The following SATB2 variants were observed in gnomAD, a reference collection of about 807,000 sequenced individuals.
SATB2 encodes SATB homeobox 2, also known as DNA-binding protein SATB2.
In SATB2, 1 loss-of-function variant was observed where a neutral mutation model predicts 73.4. The ratio of observed to expected loss-of-function variants is 0.01; its 90% confidence interval spans 0.00 to 0.06. The LOEUF (loss-of-function observed/expected upper bound fraction) is 0.06, where lower values mean the gene tolerates loss of function less well. Among genes scored for constraint, SATB2 ranks in the 10% least tolerant of loss-of-function variants. The probability of loss-of-function intolerance (pLI) is 1.00; values close to 1 mark genes in which losing one functional copy is unlikely to be tolerated. For missense variants in SATB2, 459 were observed against 945.8 expected (o/e 0.49, Z 6.75); for synonymous variants, 397 against 367.0 (o/e 1.08, Z -0.93).
intron 2 of SATB2, among the ~76,000 whole-genome samples, chr2:199,447,988 A>G (rs373363185): frequency 2.0e-5 from 3 of 152,176 alleles, no homozygotes; most frequent in African/African-American, 7.2e-5. Context: ...AAATGGGTCC[A>G]AAACAACATA....
At chr2:199,388,549 A>G (rs1324288849) in intron 3 of SATB2, among the ~76,000 whole-genome samples, 5 of 152,194 alleles carry the variant, frequency 3.3e-5, no homozygotes, top group Admixed American at 3.3e-4. Context: ...AATCTGTGAA[A>G]CAGATATAAG....
At chr2:199,329,043 C>A in intron 7 of SATB2, 133 bp from the exon 8 acceptor site, 1 of 722,810 alleles carries the variant, frequency 1.4e-6, no homozygotes, top group Non-Finnish European at 2.5e-6. Flanking sequence ...CACACTAATT[C>A]CTTAGGGTTC....
chr2:199,335,613 A>G (rs1375149282), intron 7 of SATB2, among the ~76,000 whole-genome samples: 1 of 152,222 alleles, frequency 6.6e-6, no homozygotes, highest in Non-Finnish European at 1.5e-5. Context: ...GGTTCTAAGA[A>G]GGCAACAAAT....
At chr2:199,299,635 G>GTT (rs71397718) in intron 10 of SATB2, among the ~76,000 whole-genome samples, 18 of 151,578 alleles carry the variant, frequency 1.2e-4, no homozygotes, top group South Asian at 2.1e-4. Context: ...GTGAAATTTT[G>GTT]TTTTTTTTCA....
intron 9 of SATB2, among the ~76,000 whole-genome samples, chr2:199,315,357 G>A (rs1200732019): frequency 6.6e-6 from 1 of 151,826 alleles, no homozygotes; most frequent in Non-Finnish European, 1.5e-5. Flanking sequence ...CATACCAAAG[G>A]CTGAGAATGT....
exon 1 of SATB2, chr2:199,465,085 T>C (rs1692567703): frequency 6.6e-6 from 1 of 152,242 alleles, no homozygotes; most frequent in Non-Finnish European, 1.5e-5. Context: ...AGTTCGACTT[T>C]CTCAGTCTCT....
chr2:199,458,964 C>T (rs969559526), upstream of SATB2, among the ~76,000 whole-genome samples: 42 of 152,136 alleles, frequency 2.8e-4, no homozygotes, highest in African/African-American at 9.6e-4. Context: ...AGGAGCACGG[C>T]CACTGCCCGC....
intron 9 of SATB2, among the ~76,000 whole-genome samples, chr2:199,315,113 C>T (rs1687694704): frequency 6.6e-6 from 1 of 151,922 alleles, no homozygotes; most frequent in East Asian, 1.9e-4. Flanking sequence ...CATAAAGAAC[C>T]ACACTACATC....
intron 10 of SATB2, among the ~76,000 whole-genome samples, chr2:199,278,035 G>A (rs1232214788): frequency 6.6e-6 from 1 of 152,150 alleles, no homozygotes; most frequent in Non-Finnish European, 1.5e-5. Context: ...GAGTAGAGGA[G>A]ATAGATCGTA....
intron 10 of SATB2, among the ~76,000 whole-genome samples, chr2:199,275,054 G>A (rs1340513861): frequency 6.6e-6 from 1 of 152,086 alleles, no homozygotes. Flanking sequence ...TAGAGCAATT[G>A]CGCTAATTGG....
intron 5 of SATB2, 102 bp from the exon 6 acceptor site, chr2:199,368,809 A>C: frequency 1.5e-6 from 1 of 672,014 alleles, no homozygotes; most frequent in Non-Finnish European, 2.6e-6. Context: ...TTTTCTTTTA[A>C]ACTTAAAACA....
intron 3 of SATB2, among the ~76,000 whole-genome samples, chr2:199,426,707 A>AAAG (rs1553503417): frequency 2.3e-5 from 3 of 127,772 alleles, no homozygotes; most frequent in African/African-American, 8.0e-5. Flanking sequence ...AAAAAAAAAA[A>AAAG]AAAAGAAAAG....
chr2:199,349,592 T>C (rs1688754598), intron 6 of SATB2, among the ~76,000 whole-genome samples: 1 of 152,200 alleles, frequency 6.6e-6, no homozygotes, highest in Non-Finnish European at 1.5e-5. Context: ...TAACATCTCC[T>C]GCCAAATTAA....
intron 3 of SATB2, among the ~76,000 whole-genome samples, chr2:199,407,640 C>T (rs776175059): frequency 6.6e-6 from 1 of 152,116 alleles, no homozygotes; most frequent in Non-Finnish European, 1.5e-5. Flanking sequence ...GGAGGCAAAA[C>T]TACCCAATTA....
chr2:199,284,216 C>T (rs1034501083), intron 10 of SATB2, among the ~76,000 whole-genome samples: 4 of 152,110 alleles, frequency 2.6e-5, no homozygotes, highest in African/African-American at 9.7e-5. Context: ...TTTGGTTTTG[C>T]TTTTAAATAT....
intron 6 of SATB2, among the ~76,000 whole-genome samples, chr2:199,357,092 T>C (rs1364442913): frequency 6.6e-6 from 1 of 152,248 alleles, no homozygotes; most frequent in African/African-American, 2.4e-5. Flanking sequence ...CAGTCTGTAT[T>C]CCGCTGCTTA....
chr2:199,429,266 T>A (rs1212386967), intron 3 of SATB2, among the ~76,000 whole-genome samples: 1 of 152,152 alleles, frequency 6.6e-6, no homozygotes, highest in Non-Finnish European at 1.5e-5. Flanking sequence ...GGAAGTAAAA[T>A]TTGATATTTA....
At chr2:199,445,048 C>G (rs1466696834) in intron 2 of SATB2, among the ~76,000 whole-genome samples, 2 of 152,148 alleles carry the variant, frequency 1.3e-5, no homozygotes, top group African/African-American at 4.8e-5. Flanking sequence ...CATCAATCTT[C>G]AATATAATTA....
At chr2:199,284,947 T>C (rs746979164) in intron 10 of SATB2, among the ~76,000 whole-genome samples, 2 of 152,128 alleles carry the variant, frequency 1.3e-5, no homozygotes, top group South Asian at 2.1e-4. Context: ...AGGATGTATG[T>C]ACATTACATG....
Sources: allele counts gnomAD v4.1 joint callset (sites outside exome capture counted in the v4.1 genomes callset), GRCh38; gene constraint gnomAD v4.1.1; transcripts MANE v1.5; gene names NCBI Gene and HGNC (gene_info 2026-07-23, HGNC 2026-07-21).